Variants in DPH1 observed in about 807,000 individuals in gnomAD.
DPH1 encodes 2-(3-amino-3-carboxypropyl)histidine synthase subunit 1.
A neutral mutation model predicts 55.3 loss-of-function variants in DPH1; 59 were observed. The ratio of observed to expected loss-of-function variants is 1.07; its 90% CI spans 0.87 to 1.33. The LOEUF (loss-of-function observed/expected upper bound fraction) is 1.33, where lower values mean the gene tolerates loss of function less well. Among genes scored for constraint, DPH1 ranks in the 40% most tolerant of loss-of-function variants. The pLI is 0.00. For synonymous variants in DPH1, 238 were observed against 235.5 expected (o/e 1.01, Z -0.10); for missense variants, 628 against 584.8 (o/e 1.07, Z -0.76).
chr17:2,032,849 T>C (rs2641435), intron 1 of DPH1, among the ~76,000 whole-genome samples: 9,434 of 152,268 alleles, frequency 0.062, 359 homozygotes, highest in Non-Finnish European at 0.092. Flanking sequence ...GTTCACCCCA[T>C]TCTCCTGCCT....
At chr17:2,040,478 C>A (rs774119740) in intron 8 of DPH1, 27 bp from the exon 9 acceptor site, 4 of 1,614,024 alleles carry the variant, frequency 2.5e-6, no homozygotes, top group Non-Finnish European at 2.5e-6. Flanking sequence ...ACCAGGTGAC[C>A]CCCACCCTGC....
rs2067513674 is a variant in DPH1 at position 2,041,125 on chromosome 17, C to G, written c.1030C>G (p.Arg344Gly). ...VDVWVQVACP[R>G]LSIDWGTAFP... ...CAGGTGGGTGCAGGTGGCATGTCCA[C>G]GTCTCTCCATTGACTGGGGCACAGC... The change falls in exon 10 of 13, where the codon CGT becomes GGT. Residue 344 changes from arginine to glycine, a missense_variant. By Grantham distance (125) the Arg-to-Gly change is moderately radical. Transcript: ENST00000263083. The G allele has an allele frequency of 6.2e-7, 1 of 1,604,636 alleles. No individual in the cohort carries two copies. Among genetic ancestry groups the G allele is most frequent in the African/African-American group, 1.3e-5 (1 of 74,934 alleles).
At chr17:2,039,882 G>A (rs1167226813) in intron 7 of DPH1, 59 bp downstream of exon 7, 1 of 1,609,692 alleles carries the variant, frequency 6.2e-7, no homozygotes, top group Non-Finnish European at 8.5e-7. Flanking sequence ...CCCTGCCACT[G>A]AGGTCCTCAA....
chr17:2,034,175 C>T (rs77080553), intron 3 of DPH1, among the ~76,000 whole-genome samples: 1,950 of 151,982 alleles, frequency 0.013, 39 homozygotes, highest in African/African-American at 0.044. Context: ...CCCTGAAATG[C>T]GCTGAGTGAT....
In DPH1 at chr17:2,041,198, G is replaced by A; in HGVS notation, c.1086+17G>A. The A allele has an allele frequency of 6.3e-7, 1 of 1,593,590 alleles. No individual in the cohort carries two copies. Among genetic ancestry groups the A allele is most frequent in the South Asian group, 1.1e-5 (1 of 88,210 alleles). On this transcript the variant is annotated intron_variant, in intron 10 of 12. Coordinates refer to ENST00000263083, the MANE Select transcript of DPH1 (RefSeq NM_001383.6). ...CCCTATGAGGTAACACCAAGCTCTG[G>A]GAGAGAGTGGGCTTTGGACGTGGTT...
At chr17:2,035,893 CA>C (rs2067416174) in intron 3 of DPH1, 76 bp from the exon 4 acceptor site, 5 of 1,581,494 alleles carry the variant, frequency 3.2e-6, no homozygotes, top group Non-Finnish European at 4.3e-6. Context: ...GGCCCTGAGA[CA>C]CCCTCCCAGG....
At chr17:2,040,091 C>A in intron 7 of DPH1, 127 bp from the exon 8 acceptor site, 19 of 1,354,366 alleles carry the variant, frequency 1.4e-5, no homozygotes, top group Non-Finnish European at 1.9e-5. Flanking sequence ...CCCGCTCTTG[C>A]CTCTGTTCTT....
At chr17:2,034,165 C>T (rs1316144008) in intron 3 of DPH1, among the ~76,000 whole-genome samples, 1 of 152,012 alleles carries the variant, frequency 6.6e-6, no homozygotes, top group Non-Finnish European at 1.5e-5. Flanking sequence ...TCCAAGCTGC[C>T]CCTGAAATGC....
rs557979321 is a variant in DPH1 at position 2,042,468 on chromosome 17, C to T, written c.*19-137C>T. 468 of 1,332,184 alleles carry T rather than the reference C, an allele frequency of 3.5e-4. 3 individuals are homozygous for T. Among genetic ancestry groups the T allele is most frequent in the Non-Finnish European group, 1.0e-4 (106 of 1,011,002 alleles). 82.5% of individuals were successfully genotyped at this position (1,332,184 alleles called of 1,614,324 possible). ...TTCAGGCCAATCCACTCATTTCCCCCCTCTCATTTCCCCCAGACTTTTGCC... is the reference window on the plus strand; with the variant it reads ...TTCAGGCCAATCCACTCATTTCCCCTCTCTCATTTCCCCCAGACTTTTGCC... On this transcript the variant is annotated intron_variant, in intron 12 of 12. Transcript: ENST00000263083.
rs917876525 is a variant in DPH1, at chr17:2,042,069, C to T, written c.*18+194C>T. On this transcript the variant is annotated intron_variant, in intron 12 of 12. Transcript: ENST00000263083. ...CATAATGGCCGCGCAGCGACCCCTG[C>T]GGGTCCTGTGCCTGGCGGGCTTCCG... The T allele has an allele frequency of 7.7e-6, 12 of 1,555,250 alleles. No homozygotes were observed. The highest frequency in any genetic ancestry group is 1.4e-5 in the African/African-American group (1 of 72,468).
At chr17:2,033,177 T>TG (rs777373810) in intron 1 of DPH1, among the ~76,000 whole-genome samples, 37 of 152,112 alleles carry the variant, frequency 2.4e-4, no homozygotes, top group East Asian at 1.9e-3. Context: ...TTTCACCTGG[T>TG]GGGGGGGTGG....
At chr17:2,030,592 G>C (rs943432873) in intron 1 of DPH1, among the ~76,000 whole-genome samples, 2 of 152,226 alleles carry the variant, frequency 1.3e-5, no homozygotes, top group African/African-American at 4.8e-5. Context: ...AGAGGCAAAA[G>C]GTTTCATTCG....
rs772585370 is a variant in DPH1 at position 2,041,745 on chromosome 17, C to T, written c.1228-23C>T. 6 of 1,595,746 alleles carry T rather than the reference C, an allele frequency of 3.8e-6. No individual in the cohort carries two copies. In the Admixed American group the frequency reaches 5.2e-5, roughly 14 times the overall value. On this transcript the variant is annotated intron_variant, in intron 11 of 12. Transcript: ENST00000263083. The stretch of plus-strand genomic sequence containing the variant: ...AACGCAGGGTCGCAGGAGCGAGACC[C>T]TAACCAAAGTCTGCGACCTCAGGTG...
Position 2,042,822 on chromosome 17 carries a change from A to G in DPH1, c.*236A>G. On this transcript the variant is annotated 3_prime_UTR_variant, in exon 13 of 13. Transcript: ENST00000263083. ...CCCTTGTGTGTGCCCTGGGCCAGGC[A>G]GGCGATCCCCGCTTCCCCTTGCCAC... is the stretch of plus-strand genomic sequence containing the variant. The G allele has an allele frequency of 2.5e-6, 4 of 1,614,080 alleles. No individual in the cohort carries two copies. The South Asian group carries it at 4.4e-5, about 18-fold the overall frequency.
In DPH1 at chr17:2,041,183, T is replaced by C; in HGVS notation, c.1086+2T>C. Reference sequence around the variant, plus strand: ...AAGCCGCTGCTGACACCCTATGAGGTAACACCAAGCTCTGGGAGAGAGTGG... The same window carrying C: ...AAGCCGCTGCTGACACCCTATGAGGCAACACCAAGCTCTGGGAGAGAGTGG... On this transcript the variant is annotated splice_donor_variant, in intron 10 of 12. Coordinates refer to ENST00000263083, the MANE Select transcript of DPH1 (RefSeq NM_001383.6). LOFTEE classifies it high-confidence loss of function. 1.2e-6 allele frequency: 2 copies of C among 1,602,666 alleles called. No homozygotes were observed. The highest frequency in any genetic ancestry group is 1.7e-6 in the Non-Finnish European group (2 of 1,174,294).
At chr17:2,033,300 C>T (rs1323836597) in intron 1 of DPH1, 7 of 700,170 alleles carry the variant, frequency 1.0e-5, no homozygotes, top group African/African-American at 1.8e-5. Flanking sequence ...TGTTTATTAT[C>T]TTCTTGTTTA....
chr17:2,037,527 G>A (rs1468291699), intron 6 of DPH1, among the ~76,000 whole-genome samples: 1 of 152,106 alleles, frequency 6.6e-6, no homozygotes, highest in East Asian at 1.9e-4. Flanking sequence ...CCCTAGACAG[G>A]CCCACATCAG....
rs2151352889 is a variant in DPH1 at position 2,039,749 on chromosome 17, C to T, written c.681-6C>T. ...ACCACACTTAGCCTCCTTTCCACCC[C>T]TGCAGGTATCTTGGAGATGGCCGCT... is the stretch of plus-strand genomic sequence containing the variant. On this transcript the variant is annotated splice_region_variant and splice_polypyrimidine_tract_variant and intron_variant, in intron 6 of 12. Transcript: ENST00000263083. The T allele has an allele frequency of 3.7e-6, 6 of 1,614,192 alleles. No homozygotes were observed. The East Asian group carries it at 1.3e-4, about 36-fold the overall frequency.
intron 12 of DPH1, 83 bp downstream of exon 12, chr17:2,041,958 C>T (rs1247078251): frequency 3.3e-6 from 5 of 1,516,512 alleles, no homozygotes; most frequent in African/African-American, 1.4e-5. Context: ...GCCCTCGGGG[C>T]GGTGCTGACG....
Sources: allele counts gnomAD v4.1 joint callset (sites outside exome capture counted in the v4.1 genomes callset), GRCh38; gene constraint gnomAD v4.1.1; transcripts MANE v1.5; gene names NCBI Gene and HGNC (gene_info 2026-07-23, HGNC 2026-07-21).